ANAPC10: variants seen among roughly 807,000 people sequenced by gnomAD.
ANAPC10 encodes the protein anaphase promoting complex subunit 10.
Under a neutral mutation model 22.0 loss-of-function variants are expected in ANAPC10, and 12 were observed. The ratio of observed to expected loss-of-function variants is 0.55; its 90% CI spans 0.35 to 0.88. ANAPC10 has a LOEUF of 0.88. ANAPC10 is among the 40% of genes least tolerant of loss of function. ANAPC10 has a pLI of 0.01. For missense variants in ANAPC10, 188 were observed against 220.9 expected (o/e 0.85, Z 0.94); for synonymous variants, 65 against 69.5 (o/e 0.94, Z 0.32).
At chr4:145,016,312 C>A (rs1735122938) in intron 4 of ANAPC10, among the ~76,000 whole-genome samples, 1 of 152,278 alleles carries the variant, frequency 6.6e-6, no homozygotes, top group Middle Eastern at 3.4e-3. Context: ...CACAAGCATT[C>A]TTATACACCA....
chr4:145,026,074 G>T (rs1013100625), intron 4 of ANAPC10, among the ~76,000 whole-genome samples: 2 of 152,110 alleles, frequency 1.3e-5, no homozygotes, highest in Non-Finnish European at 2.9e-5. Flanking sequence ...CTCTTGCTCA[G>T]CTACGAGAAC....
chr4:145,075,147 C>A (rs1745013896), intron 3 of ANAPC10, among the ~76,000 whole-genome samples: 1 of 152,094 alleles, frequency 6.6e-6, no homozygotes, highest in Non-Finnish European at 1.5e-5. Context: ...CTTATTGCAT[C>A]CCAAAATCAT....
intron 4 of ANAPC10, among the ~76,000 whole-genome samples, chr4:145,026,979 ATATATATATTTTTTTTT>A (rs1736820103): frequency 2.8e-5 from 1 of 35,558 alleles, no homozygotes; most frequent in African/African-American, 1.3e-4. Context: ...ATATATATAT[ATATATATATTTTTTTTT>A]TTTTTTTTTT....
chr4:145,040,590 T>C (rs758280502), intron 4 of ANAPC10, among the ~76,000 whole-genome samples: 5 of 152,232 alleles, frequency 3.3e-5, no homozygotes, highest in Non-Finnish European at 7.3e-5. Context: ...CTCCAATTTA[T>C]AGTTAATTTA....
chr4:145,003,373 A>C (rs1268236181), intron 4 of ANAPC10, among the ~76,000 whole-genome samples: 1 of 152,204 alleles, frequency 6.6e-6, no homozygotes, highest in Non-Finnish European at 1.5e-5. Context: ...AGAACGATTT[A>C]TATTCCCTTG....
chr4:145,048,142 G>A (rs926542708), intron 4 of ANAPC10, among the ~76,000 whole-genome samples: 13 of 151,972 alleles, frequency 8.6e-5, no homozygotes, highest in South Asian at 2.1e-4. Context: ...AAGCTAAAAC[G>A]GACGCCCCTC....
intron 4 of ANAPC10, among the ~76,000 whole-genome samples, chr4:145,016,663 G>A (rs868121788): frequency 7.9e-5 from 12 of 152,290 alleles, no homozygotes; most frequent in Non-Finnish European, 1.3e-4. Context: ...ACATTGCCAA[G>A]TCAATCCTAA....
intron 3 of ANAPC10, among the ~76,000 whole-genome samples, chr4:145,066,663 C>G (rs1743739114): frequency 6.6e-6 from 1 of 151,880 alleles, no homozygotes; most frequent in Non-Finnish European, 1.5e-5. Context: ...ACAGTAACAG[C>G]AAAGAGCAAG....
At chr4:145,007,046 A>G (rs533920039) in intron 4 of ANAPC10, among the ~76,000 whole-genome samples, 12 of 152,164 alleles carry the variant, frequency 7.9e-5, no homozygotes, top group African/African-American at 2.9e-4. Context: ...GCGGGTCCCA[A>G]GATGGACGAA....
At chr4:145,067,330 T>C (rs1358382728) in intron 3 of ANAPC10, among the ~76,000 whole-genome samples, 1 of 152,110 alleles carries the variant, frequency 6.6e-6, no homozygotes, top group African/African-American at 2.4e-5. Flanking sequence ...ACGCCAGGCA[T>C]CGTGCTATAT....
chr4:145,015,647 T>C (rs1276906282), intron 4 of ANAPC10, among the ~76,000 whole-genome samples: 1 of 152,032 alleles, frequency 6.6e-6, no homozygotes, highest in Non-Finnish European at 1.5e-5. Flanking sequence ...TCAGGTAATG[T>C]AAAGTTAAGA....
At chr4:145,003,072 G>A (rs973619343) in intron 4 of ANAPC10, among the ~76,000 whole-genome samples, 4 of 152,048 alleles carry the variant, frequency 2.6e-5, no homozygotes, top group Admixed American at 6.6e-5. Flanking sequence ...GTGTCCATGT[G>A]TATTCAATGT....
At chr4:144,998,264 T>A (rs1731935109) in intron 4 of ANAPC10, among the ~76,000 whole-genome samples, 1 of 152,110 alleles carries the variant, frequency 6.6e-6, no homozygotes, top group East Asian at 1.9e-4. Context: ...CCACCCCAAA[T>A]CAACAGAATA....
At chr4:145,089,084 A>G (rs541814620) in intron 2 of ANAPC10, among the ~76,000 whole-genome samples, 2 of 152,234 alleles carry the variant, frequency 1.3e-5, no homozygotes, top group Admixed American at 6.5e-5. Flanking sequence ...GCCTTCCATA[A>G]TCCCACAAAC....
chr4:145,096,583 T>G (rs1326438690), intron 1 of ANAPC10, among the ~76,000 whole-genome samples: 1 of 152,216 alleles, frequency 6.6e-6, no homozygotes, highest in Non-Finnish European at 1.5e-5. Flanking sequence ...CACTTGATGA[T>G]TTTTACTTCT....
At chr4:145,027,040 G>T (rs1578955750) in intron 4 of ANAPC10, among the ~76,000 whole-genome samples, 1 of 96,738 alleles carries the variant, frequency 1.0e-5, no homozygotes, top group East Asian at 3.3e-4. Flanking sequence ...GTCTTACTCT[G>T]TCTCCCAGGC....
In ANAPC10 at chr4:145,009,567, G is replaced by C. The variant is rs539927173; in HGVS notation, c.328-13964C>G. On this transcript the variant is annotated intron_variant, in intron 4 of 4. Transcript: ENST00000507656. ...GACAAACCTGACAAAAACAAGAAAT[G>C]GGGAAAGGATTCCCTATTTAACAAA... 2.0e-5 allele frequency among the ~76,000 whole-genome samples: 3 copies of C among 152,198 alleles called. No homozygotes were observed. In the East Asian group the frequency reaches 5.8e-4, roughly 29 times the overall value.
At chr4:145,038,364 T>G (rs901131551) in intron 4 of ANAPC10, among the ~76,000 whole-genome samples, 1 of 150,458 alleles carries the variant, frequency 6.6e-6, no homozygotes, top group African/African-American at 2.5e-5. Flanking sequence ...AATACAAAAA[T>G]TAGCCAGGCA....
chr4:145,043,171 A>C (rs1245267595), intron 4 of ANAPC10, among the ~76,000 whole-genome samples: 3 of 152,128 alleles, frequency 2.0e-5, no homozygotes, highest in African/African-American at 7.2e-5. Context: ...CTTAAGATGG[A>C]AACAGTGTTA....
Sources: gnomAD v4.1 joint callset for allele counts (sites outside exome capture counted in the v4.1 genomes callset) on GRCh38, gnomAD v4.1.1 for gene constraint, MANE v1.5 for transcripts, NCBI Gene and HGNC (gene_info 2026-07-23, HGNC 2026-07-21) for gene names.